Variants in GFM1 observed in about 807,000 individuals in gnomAD.
GFM1 encodes the protein elongation factor G, mitochondrial.
In GFM1, 62 loss-of-function variants were observed where a neutral mutation model predicts 96.2. The ratio of observed to expected loss-of-function variants is 0.64; its 90% CI spans 0.53 to 0.80. The LOEUF (loss-of-function observed/expected upper bound fraction) is 0.80, where lower values mean the gene tolerates loss of function less well. GFM1 is among the 30% of genes least tolerant of loss of function. GFM1 has a pLI of 0.00. For synonymous variants in GFM1, 282 were observed against 312.9 expected, an observed-to-expected ratio of 0.90 and a Z score of 1.04; for missense variants, 852 against 916.6, an observed-to-expected ratio of 0.93 and a Z score of 0.91.
At position 158,692,595 on chromosome 3, in the gene GFM1, T is replaced by C. The variant is rs931229095; in HGVS notation, c.*1128T>C. 19 of 152,314 alleles carry C rather than the reference T, an allele frequency of 1.2e-4. No individual in the cohort carries two copies. Among genetic ancestry groups the C allele is most frequent in the African/African-American group, 2.2e-4 (9 of 41,576 alleles). The allele number at this position is 152,314 out of a possible 1,614,324, so 9.4% of individuals were successfully genotyped here. ...AAATTCCTTTGCTTTTCTTGACTTATAGACGTGGCTTTATACTTTAAGGTT... is the reference window on the plus strand; with the variant it reads ...AAATTCCTTTGCTTTTCTTGACTTACAGACGTGGCTTTATACTTTAAGGTT... On this transcript the variant is annotated 3_prime_UTR_variant, in exon 18 of 18. Transcript: ENST00000486715.
At chr3:158,680,305 A>G (rs1725265496) in intron 13 of GFM1, among the ~76,000 whole-genome samples, 1 of 152,054 alleles carries the variant, frequency 6.6e-6, no homozygotes, top group Non-Finnish European at 1.5e-5. Context: ...ACCTCTCCCC[A>G]CCCAACAATT....
chr3:158,649,155 T>C lies in GFM1; in HGVS notation c.687T>C (p.Phe229=), dbSNP rs1722089578. 1 of 1,169,570 alleles carries C rather than the reference T, an allele frequency of 8.6e-7. No homozygotes were observed. The highest frequency in any genetic ancestry group is 1.3e-6 in the Non-Finnish European group (1 of 775,822). The allele number at this position is 1,169,570 out of a possible 1,614,324, so 72.4% of individuals were successfully genotyped here. Residue 229 remains phenylalanine (F), a splice_region_variant and synonymous_variant, in exon 5 of 18, where the codon TTT becomes TTC. Transcript: ENST00000486715. ...EERAIYFDGD[F]GQIVRYGEIP... ...GAGCCATCTATTTTGATGGAGACTT[T>C]GGGTAAGTGCTAAAAATACATTATT...
Position 158,682,873 on chromosome 3 carries a change from A to C in GFM1, c.1764+716A>C, listed in dbSNP as rs536783938. Among the ~76,000 whole-genome samples the C allele has an allele frequency of 2.0e-5, 3 of 152,150 alleles. No individual in the cohort carries two copies. The South Asian group carries it at 6.2e-4, about 32-fold the overall frequency. On this transcript the variant is annotated intron_variant, in intron 14 of 17. Coordinates refer to ENST00000486715, the MANE Select transcript of GFM1 (RefSeq NM_024996.7). ...AACCCTGTCTCTACAGAAAAATAAA[A>C]ATAGAAAAAAAATTAGCCCGGTGTA...
chr3:158,658,851 A>G, intron 8 of GFM1, 71 bp from the exon 9 acceptor site: 1 of 1,536,062 alleles, frequency 6.5e-7, no homozygotes, highest in Non-Finnish European at 9.0e-7. Context: ...GGAGTTATGA[A>G]GCTTTCCTCA....
intron 15 of GFM1, chr3:158,685,000 G>T: frequency 6.0e-6 from 1 of 167,582 alleles, no homozygotes; most frequent in Non-Finnish European, 1.1e-5. Flanking sequence ...CTTAACTACA[G>T]TCTTATTTCT....
Position 158,654,473 on chromosome 3 carries a change from C to G in GFM1, c.999-74C>G, listed in dbSNP as rs536758944. The G allele has an allele frequency of 4.9e-5, 46 of 940,074 alleles. No homozygotes were observed. In the African/African-American group the frequency reaches 6.9e-4, roughly 14 times the overall value. The allele number at this position is 940,074 out of a possible 1,614,324, so 58.2% of individuals were successfully genotyped here. A position where few individuals can be genotyped will look rare whatever the true frequency, so the allele number is the denominator to read the frequency against. On this transcript the variant is annotated intron_variant, in intron 7 of 17. Transcript: ENST00000486715. ...ACGTGCTTTTTCTCAGATAATACTT[C>G]CTGATGAAATAAATTGATATAAAAG...
intron 13 of GFM1, chr3:158,672,514 C>G: frequency 6.2e-7 from 1 of 1,612,124 alleles, no homozygotes. Context: ...TTGGGCTACT[C>G]TGGCTTAACG....
intron 13 of GFM1, among the ~76,000 whole-genome samples, chr3:158,679,365 C>T (rs1433012643): frequency 6.6e-6 from 1 of 152,056 alleles, no homozygotes; most frequent in Non-Finnish European, 1.5e-5. Context: ...CACAATGCCT[C>T]CAAGATATGC....
intron 5 of GFM1, 105 bp downstream of exon 5, chr3:158,649,262 G>A (rs1200767489): frequency 6.1e-6 from 4 of 656,342 alleles, no homozygotes; most frequent in African/African-American, 3.7e-5. Flanking sequence ...TTTGAAATGC[G>A]ACTGCAAGAA....
At chr3:158,645,269 T>C in intron 1 of GFM1, among the ~76,000 whole-genome samples, 1 of 152,352 alleles carries the variant, frequency 6.6e-6, no homozygotes, top group East Asian at 1.9e-4. Context: ...GGAAAAAAAT[T>C]AAGTTAAATT....
chr3:158,672,775 G>A (rs1194150372), intron 13 of GFM1: 1 of 316,098 alleles, frequency 3.2e-6, no homozygotes, highest in African/African-American at 2.1e-5. Flanking sequence ...CAGCATGCTT[G>A]TCAGGCACCA....
chr3:158,663,982 AG>A (rs751828019), intron 11 of GFM1, among the ~76,000 whole-genome samples: 6 of 152,202 alleles, frequency 3.9e-5, no homozygotes, highest in Non-Finnish European at 7.3e-5. Context: ...CAAAAGACCT[AG>A]AAAGACTAAA....
rs1442014064 is a variant in GFM1 at position 158,693,474 on chromosome 3, T to C, written c.*2007T>C. The C allele has an allele frequency of 6.6e-6, 1 of 152,238 alleles. No individual in the cohort carries two copies. Among genetic ancestry groups the C allele is most frequent in the African/African-American group, 2.4e-5 (1 of 41,460 alleles). 9.4% of individuals were successfully genotyped at this position (152,238 alleles called of 1,614,324 possible). A position where few individuals can be genotyped will look rare whatever the true frequency, so the allele number is the denominator to read the frequency against. ...TATTTAATCCAACACCAGCATTTCA[T>C]AGGTAATGATTCAGGCCTAGCTGGT... On this transcript the variant is annotated 3_prime_UTR_variant, in exon 18 of 18. Transcript: ENST00000486715.
At chr3:158,672,582 GA>G in intron 13 of GFM1, 3 of 1,436,016 alleles carry the variant, frequency 2.1e-6, no homozygotes, top group Admixed American at 1.8e-5. Flanking sequence ...TGCCGAGGCG[GA>G]AAAGTCGCAA....
At position 158,669,200 on chromosome 3, in the gene GFM1, T is replaced by C. The variant is rs939788176; in HGVS notation, c.1601+2814T>C. On this transcript the variant is annotated intron_variant, in intron 13 of 17. Coordinates refer to ENST00000486715, the MANE Select transcript of GFM1 (RefSeq NM_024996.7). ...TAACCTTTTAAAACAAAATCTAAAT[T>C]CTAAATCATGTCTTAGTTTCCTTCG... is the stretch of plus-strand genomic sequence containing the variant. 6.9e-6 allele frequency: 10 copies of C among 1,444,282 alleles called. No individual in the cohort carries two copies. In the African/African-American group the frequency reaches 1.3e-4, roughly 19 times the overall value. The allele number at this position is 1,444,282 out of a possible 1,614,324, so 89.5% of individuals were successfully genotyped here. A position where few individuals can be genotyped will look rare whatever the true frequency, so the allele number is the denominator to read the frequency against.
chr3:158,666,275 T>A (rs1488541703), intron 12 of GFM1, 29 bp from the exon 13 acceptor site: 1 of 1,535,618 alleles, frequency 6.5e-7, no homozygotes, highest in African/African-American at 1.4e-5. Context: ...TTTTTTAAAT[T>A]TAAATAATAT....
At position 158,646,244 on chromosome 3, in the gene GFM1, C is replaced by T; in HGVS notation, c.314C>T (p.Ala105Val). The T allele has an allele frequency of 6.2e-7, 1 of 1,613,770 alleles. No homozygotes were observed. The highest frequency in any genetic ancestry group is 8.5e-7 in the Non-Finnish European group (1 of 1,179,616). ...ERQRGITIQS[A>V]ATYTMWKDVN... is the part of the protein sequence containing the mutation. The stretch of plus-strand genomic sequence containing the variant: ...CAAAGAGGAATCACTATTCAGTCAG[C>T]AGCCACTTACACCATGTGGAAAGAT... Residue 105 changes from alanine (A) to valine (V), a missense_variant, in exon 3 of 18, where the codon GCA becomes GTA. Coordinates refer to ENST00000486715, the MANE Select transcript of GFM1 (RefSeq NM_024996.7).
intron 13 of GFM1, chr3:158,667,213 C>T: frequency 3.1e-6 from 3 of 958,244 alleles, no homozygotes; most frequent in Non-Finnish European, 4.4e-6. Context: ...GTCATAATTT[C>T]AATTTAATGT....
At position 158,652,148 on chromosome 3, in the gene GFM1, G is replaced by C. The variant is rs1450478913; in HGVS notation, c.742G>C (p.Asp248His). ...IPAELRAAAT[D>H]HRQELIECVA... ...AGCTGAATTAAGGGCGGCGGCCACT[G>C]ACCACCGGCAGGAGCTAATTGAATG... Residue 248 changes from aspartate to histidine, a missense_variant, in exon 6 of 18, where the codon GAC becomes CAC. By Grantham distance (81) the Asp-to-His change is moderately conservative. Transcript: ENST00000486715. 1 of 1,613,888 alleles carries C rather than the reference G, an allele frequency of 6.2e-7. No individual in the cohort carries two copies. The highest frequency in any genetic ancestry group is 1.7e-5 in the Admixed American group (1 of 59,996).
Sources: gnomAD v4.1 joint callset for allele counts (sites outside exome capture counted in the v4.1 genomes callset) on GRCh38, gnomAD v4.1.1 for gene constraint, MANE v1.5 for transcripts, NCBI Gene and HGNC (gene_info 2026-07-23, HGNC 2026-07-21) for gene names.